Variants in PPM1L observed in about 807,000 individuals in gnomAD.
PPM1L encodes protein phosphatase 1L.
PPM1L carries 13 observed loss-of-function variants against 31.4 expected under a neutral mutation model. The ratio of observed to expected loss-of-function variants is 0.41; its 90% CI spans 0.27 to 0.66. The LOEUF is 0.66. Among genes scored for constraint, PPM1L ranks in the 30% least tolerant of loss-of-function variants. The pLI, the probability that PPM1L is intolerant of heterozygous loss-of-function variation, is 0.29. For synonymous variants in PPM1L, 184 were observed against 175.4 expected (o/e 1.05, Z -0.39); for missense variants, 326 against 453.7 (o/e 0.72, Z 2.56).
At chr3:160,983,658 G>A (rs1046887458) in intron 2 of PPM1L, among the ~76,000 whole-genome samples, 2 of 152,148 alleles carry the variant, frequency 1.3e-5, no homozygotes, top group Non-Finnish European at 2.9e-5. Context: ...CTGTGGGTTG[G>A]CGATCAGTGC....
intron 1 of PPM1L, among the ~76,000 whole-genome samples, chr3:160,935,867 A>C (rs1293889600): frequency 6.6e-6 from 1 of 152,242 alleles, no homozygotes; most frequent in Non-Finnish European, 1.5e-5. Context: ...ACATCTGAAC[A>C]ATCCAGTAAA....
intron 1 of PPM1L, among the ~76,000 whole-genome samples, chr3:160,843,188 G>A (rs1171009899): frequency 1.3e-5 from 2 of 151,536 alleles, no homozygotes; most frequent in Non-Finnish European, 2.9e-5. Flanking sequence ...AGAAGCTACT[G>A]ATAGGATTTA....
intron 1 of PPM1L, among the ~76,000 whole-genome samples, chr3:160,806,294 C>T (rs1712598991): frequency 6.6e-6 from 1 of 152,184 alleles, no homozygotes; most frequent in Non-Finnish European, 1.5e-5. Context: ...GCTTACAAGA[C>T]CCAGCCTGAT....
chr3:160,999,057 C>G (rs1717405837), intron 2 of PPM1L, among the ~76,000 whole-genome samples: 1 of 152,122 alleles, frequency 6.6e-6, no homozygotes, highest in Non-Finnish European at 1.5e-5. Context: ...ACAATAAATG[C>G]AATTTTGGTG....
chr3:160,840,331 A>G (rs1386735154), intron 1 of PPM1L, among the ~76,000 whole-genome samples: 2 of 152,176 alleles, frequency 1.3e-5, no homozygotes, highest in Non-Finnish European at 2.9e-5. Context: ...CATAAGACCT[A>G]CCAGAGAGTT....
intron 1 of PPM1L, among the ~76,000 whole-genome samples, chr3:160,769,446 A>G (rs1043075166): frequency 3.3e-5 from 5 of 152,140 alleles, no homozygotes; most frequent in Non-Finnish European, 7.4e-5. Flanking sequence ...GCTGAGACAT[A>G]AATTTGGTAT....
rs1403745513 is a variant in PPM1L, at chr3:161,065,392, C to T, written c.575-11C>T. On this transcript the variant is annotated splice_polypyrimidine_tract_variant and intron_variant, in intron 2 of 3. Transcript: ENST00000498165. ...TGACCTCCCGCGTTCTCTCTCTCTT[C>T]TATTTTTCAGGCACAACGTGTTTGA... 2.5e-6 allele frequency: 4 copies of T among 1,613,110 alleles called. No individual in the cohort carries two copies. In the African/African-American group the frequency reaches 4.0e-5, roughly 16 times the overall value.
intron 2 of PPM1L, among the ~76,000 whole-genome samples, chr3:161,052,656 T>G (rs1050580745): frequency 2.6e-5 from 4 of 152,178 alleles, no homozygotes; most frequent in African/African-American, 9.7e-5. Context: ...ATTTAATATC[T>G]CTAAATATCA....
intron 1 of PPM1L, among the ~76,000 whole-genome samples, chr3:160,807,433 G>A (rs1022190223): frequency 1.3e-5 from 2 of 152,294 alleles, no homozygotes; most frequent in African/African-American, 4.8e-5. Context: ...TAAATTTCAA[G>A]TGGATTATTT....
intron 2 of PPM1L, among the ~76,000 whole-genome samples, chr3:161,037,050 G>A (rs1718760497): frequency 6.6e-6 from 1 of 152,056 alleles, no homozygotes; most frequent in Non-Finnish European, 1.5e-5. Flanking sequence ...TGACCCTATG[G>A]TATCCATAAG....
At chr3:160,830,573 G>A (rs77934379) in intron 1 of PPM1L, among the ~76,000 whole-genome samples, 4,748 of 152,228 alleles carry the variant, frequency 0.031, 233 homozygotes, top group African/African-American at 0.11. Flanking sequence ...TTAAATCATA[G>A]TTATGCTTTG....
At chr3:161,047,347 GA>G in intron 2 of PPM1L, among the ~76,000 whole-genome samples, 1 of 152,116 alleles carries the variant, frequency 6.6e-6, no homozygotes, top group Non-Finnish European at 1.5e-5. Flanking sequence ...TTGCTTCAAA[GA>G]GAATAAAATA....
intron 1 of PPM1L, among the ~76,000 whole-genome samples, chr3:160,829,052 T>A (rs924095012): frequency 1.3e-5 from 2 of 151,910 alleles, no homozygotes; most frequent in Non-Finnish European, 2.9e-5. Context: ...AGTGAGAACA[T>A]GATACATGTC....
intron 2 of PPM1L, among the ~76,000 whole-genome samples, chr3:161,053,675 T>G (rs1211185254): frequency 1.3e-5 from 2 of 152,216 alleles, no homozygotes; most frequent in East Asian, 3.9e-4. Context: ...AAAGAGATAT[T>G]TTTTCATATT....
intron 1 of PPM1L, among the ~76,000 whole-genome samples, chr3:160,954,417 A>G (rs990760576): frequency 5.9e-5 from 9 of 152,056 alleles, no homozygotes; most frequent in Admixed American, 5.2e-4. Flanking sequence ...GCTGGAGTGC[A>G]ATGGCGGCAT....
intron 1 of PPM1L, among the ~76,000 whole-genome samples, chr3:160,862,577 G>T (rs948535180): frequency 1.3e-5 from 2 of 151,844 alleles, no homozygotes; most frequent in African/African-American, 4.8e-5. Context: ...TGAGCAACCT[G>T]TTTGACTCAG....
intron 1 of PPM1L, among the ~76,000 whole-genome samples, chr3:160,929,423 C>G (rs1201563559): frequency 6.6e-6 from 1 of 152,110 alleles, no homozygotes; most frequent in African/African-American, 2.4e-5. Flanking sequence ...CTCTGTCTTC[C>G]TTAAGTTTCC....
chr3:160,768,631 A>G (rs1276963203), intron 1 of PPM1L, among the ~76,000 whole-genome samples: 2 of 152,070 alleles, frequency 1.3e-5, no homozygotes, highest in African/African-American at 2.4e-5. Flanking sequence ...GCAATAAGGA[A>G]ATGTCCTCTT....
At chr3:160,845,976 G>C (rs1157590231) in intron 1 of PPM1L, among the ~76,000 whole-genome samples, 3 of 151,904 alleles carry the variant, frequency 2.0e-5, no homozygotes, top group Non-Finnish European at 4.4e-5. Context: ...CTACGAAGTA[G>C]GTGTACCACC....
Sources: allele counts gnomAD v4.1 joint callset (sites outside exome capture counted in the v4.1 genomes callset), GRCh38; gene constraint gnomAD v4.1.1; transcripts MANE v1.5; gene names NCBI Gene and HGNC (gene_info 2026-07-23, HGNC 2026-07-21).